Variants in HNRNPM observed in about 807,000 individuals in gnomAD.
HNRNPM encodes CEA receptor.
Under a neutral mutation model 73.1 loss-of-function variants are expected in HNRNPM, and 11 were observed. The ratio of observed to expected loss-of-function variants is 0.15; its 90% CI spans 0.09 to 0.25. The LOEUF (loss-of-function observed/expected upper bound fraction) is 0.25, where lower values mean the gene tolerates loss of function less well. Among genes scored for constraint, HNRNPM ranks in the 10% least tolerant of loss-of-function variants. The pLI, the probability that HNRNPM is intolerant of heterozygous loss-of-function variation, is 1.00. For synonymous variants in HNRNPM, 407 were observed against 355.2 expected (o/e 1.15, Z -1.64); for missense variants, 789 against 1,067.9 (o/e 0.74, Z 3.64).
intron 14 of HNRNPM, 23 bp from the exon 15 acceptor site, chr19:8,487,001 C>T (rs1971361852): frequency 6.2e-7 from 1 of 1,604,810 alleles, no homozygotes; most frequent in African/African-American, 1.3e-5. Flanking sequence ...ACGCATCAGT[C>T]TCCCTTTTCT....
chr19:8,477,089 G>A (rs1970562310), intron 12 of HNRNPM, among the ~76,000 whole-genome samples: 1 of 152,130 alleles, frequency 6.6e-6, no homozygotes, highest in African/African-American at 2.4e-5. Flanking sequence ...GACTCTGGCT[G>A]TATAATGCAA....
At position 8,463,704 on chromosome 19, in the gene HNRNPM, A is replaced by G. The variant is rs760552028; in HGVS notation, c.438+18A>G. On this transcript the variant is annotated intron_variant, in intron 5 of 15. Transcript: ENST00000325495. ...TCAAAGAAGTAAGCTCTTGCTTAAC[A>G]CTGCGGATACTGTGTGTAATTGTTG... is the stretch of plus-strand genomic sequence containing the variant. 1 of 1,474,038 alleles carries G rather than the reference A, an allele frequency of 6.8e-7. No individual in the cohort carries two copies. The highest frequency in any genetic ancestry group is 9.5e-7 in the Non-Finnish European group (1 of 1,053,260). The allele number at this position is 1,474,038 out of a possible 1,614,324, so 91.3% of individuals were successfully genotyped here. A position where few individuals can be genotyped will look rare whatever the true frequency, so the allele number is the denominator to read the frequency against.
At chr19:8,471,515 G>T (rs1970136867) in intron 10 of HNRNPM, 88 bp downstream of exon 10, 5 of 597,840 alleles carry the variant, frequency 8.4e-6, no homozygotes, top group East Asian at 3.3e-5. Context: ...TAGTTTAAAT[G>T]GAATAAATAT....
rs547584596 is a variant in HNRNPM at position 8,448,655 on chromosome 19, A to AT, written c.113+3553dup. ...ACCATGCCTGGCTAATTTTTTTAATATTTTTTTTTAGTAGAGATGGGGTTT... is the reference window on the plus strand; with the variant it reads ...ACCATGCCTGGCTAATTTTTTTAATATTTTTTTTTTAGTAGAGATGGGGTTT... On this transcript the variant is annotated intron_variant, in intron 1 of 15. Coordinates refer to ENST00000325495, the MANE Select transcript of HNRNPM (RefSeq NM_005968.5). 2.3e-4 allele frequency among the ~76,000 whole-genome samples: 35 copies of AT among 149,780 alleles called. No homozygotes were observed. The East Asian group carries it at 5.5e-3, about 24-fold the overall frequency.
intron 9 of HNRNPM, among the ~76,000 whole-genome samples, 190 bp downstream of exon 9, chr19:8,469,024 C>T (rs1323928387): frequency 6.6e-6 from 1 of 152,046 alleles, no homozygotes; most frequent in African/African-American, 2.4e-5. Context: ...TTAGGATTAC[C>T]TCATGGTAAT....
At chr19:8,458,758 T>C (rs1259239157) in intron 2 of HNRNPM, among the ~76,000 whole-genome samples, 1 of 152,238 alleles carries the variant, frequency 6.6e-6, no homozygotes, top group Admixed American at 6.5e-5. Context: ...AAATTGCATC[T>C]GACAGAAAAC....
chr19:8,455,600 G>A (rs776249054), intron 2 of HNRNPM, 26 bp downstream of exon 2: 1 of 1,592,208 alleles, frequency 6.3e-7, no homozygotes, highest in Middle Eastern at 2.0e-4. Flanking sequence ...ATTGAGTAGG[G>A]TGAGAAGGTT....
chr19:8,485,224 G>A (rs1228110448), intron 13 of HNRNPM, among the ~76,000 whole-genome samples: 3 of 152,038 alleles, frequency 2.0e-5, no homozygotes, highest in Non-Finnish European at 4.4e-5. Context: ...CCCCCGAGTG[G>A]GGGGTGTCCA....
At chr19:8,459,169 T>C (rs550535066) in intron 2 of HNRNPM, among the ~76,000 whole-genome samples, 2 of 152,304 alleles carry the variant, frequency 1.3e-5, no homozygotes, top group East Asian at 3.9e-4. Context: ...TCAGGTAATC[T>C]GCCTGCCTTG....
At chr19:8,468,446 ATAGAG>A (rs1969906709) in intron 8 of HNRNPM, among the ~76,000 whole-genome samples, 1 of 152,200 alleles carries the variant, frequency 6.6e-6, no homozygotes, top group African/African-American at 2.4e-5. Context: ...ATTACTCTAA[ATAGAG>A]TAGGTAAGTT....
At position 8,445,013 on chromosome 19, in the gene HNRNPM, C is replaced by T. The variant is rs762082643; in HGVS notation, c.15C>T (p.Val5=). 2 of 1,423,768 alleles carry T rather than the reference C, an allele frequency of 1.4e-6. No individual in the cohort carries two copies. The highest frequency in any genetic ancestry group is 1.6e-5 in the South Asian group (1 of 63,090). The allele number at this position is 1,423,768 out of a possible 1,614,324, so 88.2% of individuals were successfully genotyped here. The change falls in exon 1 of 16, where the codon GTC becomes GTT. Residue 5 remains valine, a synonymous_variant. Coordinates refer to ENST00000325495, the MANE Select transcript of HNRNPM (RefSeq NM_005968.5). ...ACGCGGAGAAAATGGCGGCAGGGGT[C>T]GAAGCGGCGGCGGAGGTGGCGGCGA... MAAG[V]EAAAEVAATE... is the part of the protein sequence containing the mutation.
intron 3 of HNRNPM, 81 bp from the exon 4 acceptor site, chr19:8,463,416 A>T: frequency 7.2e-7 from 1 of 1,391,240 alleles, no homozygotes. Context: ...TTTGTTTATA[A>T]CTGTCATTGA....
intron 6 of HNRNPM, 130 bp downstream of exon 6, chr19:8,465,645 T>G (rs1969693278): frequency 1.4e-6 from 1 of 715,860 alleles, no homozygotes; most frequent in African/African-American, 1.9e-5. Flanking sequence ...CTTGATTTCT[T>G]TAAAAATCAG....
At chr19:8,455,363 C>T (rs1200947805) in intron 1 of HNRNPM, 42 bp from the exon 2 acceptor site, 3 of 1,520,080 alleles carry the variant, frequency 2.0e-6, no homozygotes, top group South Asian at 1.1e-5. Context: ...ATTGTGCTGA[C>T]ATATAAACCC....
chr19:8,488,895 T>C lies in HNRNPM; in HGVS notation c.*41T>C. 6.6e-7 allele frequency: 1 copy of C among 1,522,058 alleles called. No homozygotes were observed. The highest frequency in any genetic ancestry group is 8.9e-7 in the Non-Finnish European group (1 of 1,119,014). The allele number at this position is 1,522,058 out of a possible 1,614,324, so 94.3% of individuals were successfully genotyped here. ...AAACATCGATACGAGACCTCTGAAT[T>C]TGTATTTTTTCTTGTTAACCATTTT... On this transcript the variant is annotated 3_prime_UTR_variant, in exon 16 of 16. Transcript: ENST00000325495.
chr19:8,445,916 C>T (rs1484930882), intron 1 of HNRNPM, among the ~76,000 whole-genome samples: 2 of 152,260 alleles, frequency 1.3e-5, no homozygotes, highest in African/African-American at 2.4e-5. Context: ...GGTTCATTTA[C>T]TTCCAGACTT....
chr19:8,474,384 C>T, intron 12 of HNRNPM, 140 bp downstream of exon 12: 4 of 546,782 alleles, frequency 7.3e-6, no homozygotes, highest in Non-Finnish European at 1.3e-5. Flanking sequence ...TTTGAATTGC[C>T]TTAAATATTT....
chr19:8,449,128 G>A (rs1485595392), intron 1 of HNRNPM, among the ~76,000 whole-genome samples: 1 of 152,196 alleles, frequency 6.6e-6, no homozygotes, highest in Non-Finnish European at 1.5e-5. Flanking sequence ...ATTCAAAAAG[G>A]ATTTTGGAGA....
rs186224487 is a variant in HNRNPM, at chr19:8,450,689, G to A, written c.114-4716G>A. Among the ~76,000 whole-genome samples the A allele has an allele frequency of 7.5e-3, 1,113 of 148,418 alleles. 10 individuals carry two copies. The highest frequency in any genetic ancestry group is 0.019 in the South Asian group (89 of 4,664). On this transcript the variant is annotated intron_variant, in intron 1 of 15. Coordinates refer to ENST00000325495, the MANE Select transcript of HNRNPM (RefSeq NM_005968.5). Reference sequence around the variant, plus strand: ...AGTGCTGGGATTACAGGCATTAATCGTATTTTTAATTTAATTTAATTAATT... The same window carrying A: ...AGTGCTGGGATTACAGGCATTAATCATATTTTTAATTTAATTTAATTAATT...
Sources: gnomAD v4.1 joint callset for allele counts (sites outside exome capture counted in the v4.1 genomes callset) on GRCh38, gnomAD v4.1.1 for gene constraint, MANE v1.5 for transcripts, NCBI Gene and HGNC (gene_info 2026-07-23, HGNC 2026-07-21) for gene names.